FILIP1: variants seen among roughly 807,000 people sequenced by gnomAD.
FILIP1 encodes the protein filamin-A-interacting protein 1.
In FILIP1, 61 loss-of-function variants were observed where a neutral mutation model predicts 102.1. The ratio of observed to expected loss-of-function variants is 0.60; its 90% CI spans 0.49 to 0.74. FILIP1 has a LOEUF of 0.74. Among genes scored for constraint, FILIP1 ranks in the 30% least tolerant of loss-of-function variants. The pLI is 0.00. For missense variants in FILIP1, 1,314 were observed against 1,441.2 expected, an observed-to-expected ratio of 0.91 and a Z score of 1.43; for synonymous variants, 491 against 526.9, an observed-to-expected ratio of 0.93 and a Z score of 0.93.
intron 2 of FILIP1, among the ~76,000 whole-genome samples, chr6:75,412,166 C>A (rs550637652): frequency 1.5e-4 from 23 of 152,224 alleles, no homozygotes; most frequent in African/African-American, 4.8e-4. Flanking sequence ...ATATTTTACT[C>A]TCTTTGTAGC....
At chr6:75,426,132 C>T (rs1032348327) in intron 1 of FILIP1, among the ~76,000 whole-genome samples, 5 of 151,942 alleles carry the variant, frequency 3.3e-5, no homozygotes, top group African/African-American at 7.2e-5. Flanking sequence ...CAACCCTGAT[C>T]GAGACTATGT....
chr6:75,372,675 A>G (rs538851782), intron 2 of FILIP1, among the ~76,000 whole-genome samples: 2 of 60,476 alleles, frequency 3.3e-5, no homozygotes, highest in African/African-American at 1.9e-4. Flanking sequence ...GAAAGAAAGA[A>G]AGAAAGAAAG....
Position 75,348,086 on chromosome 6 carries a change from CAT to C in FILIP1, c.629+5451_629+5452del, listed in dbSNP as rs1491072700. Among the ~76,000 whole-genome samples, 43 of 151,406 alleles carry C rather than the reference CAT, an allele frequency of 2.8e-4. 1 individual carries two copies. The highest frequency in any genetic ancestry group is 3.4e-4 in the African/African-American group (14 of 41,114). ...ATACACACACACACACACACACACA[CAT>C]ACACACACTTTTCCCTCAAATATTT... is the stretch of plus-strand genomic sequence containing the variant. On this transcript the variant is annotated intron_variant, in intron 4 of 5. Coordinates refer to ENST00000237172, the MANE Select transcript of FILIP1 (RefSeq NM_015687.5).
intron 5 of FILIP1, among the ~76,000 whole-genome samples, chr6:75,312,143 A>G (rs1773210451): frequency 6.6e-6 from 1 of 152,230 alleles, no homozygotes; most frequent in South Asian, 2.1e-4. Flanking sequence ...CTATCTTTGC[A>G]AGTATTTTAT....
intron 2 of FILIP1, among the ~76,000 whole-genome samples, chr6:75,364,218 G>A (rs1775258132): frequency 1.3e-5 from 2 of 152,218 alleles, no homozygotes; most frequent in South Asian, 2.1e-4. Context: ...GGTTTAGAAT[G>A]TTGGTGAGAA....
chr6:75,333,390 T>C (rs1774142011), intron 4 of FILIP1, among the ~76,000 whole-genome samples: 1 of 152,144 alleles, frequency 6.6e-6, no homozygotes, highest in Non-Finnish European at 1.5e-5. Flanking sequence ...TTTGTATTGA[T>C]CTTGACTATT....
chr6:75,419,176 TCC>T (rs1222931858), intron 1 of FILIP1, among the ~76,000 whole-genome samples: 1 of 152,198 alleles, frequency 6.6e-6, no homozygotes, highest in Admixed American at 6.6e-5. Flanking sequence ...AAATTCTAGT[TCC>T]CAGACTTCCT....
chr6:75,389,551 C>T (rs1776213388), intron 2 of FILIP1, among the ~76,000 whole-genome samples: 1 of 152,082 alleles, frequency 6.6e-6, no homozygotes, highest in Admixed American at 6.6e-5. Flanking sequence ...AATTTCAGAA[C>T]TTGCTATTGG....
At chr6:75,400,103 G>T (rs142268201) in intron 2 of FILIP1, among the ~76,000 whole-genome samples, 1 of 152,104 alleles carries the variant, frequency 6.6e-6, no homozygotes, top group Non-Finnish European at 1.5e-5. Flanking sequence ...TGATGCAGGC[G>T]TTAGGCACTG....
chr6:75,418,827 A>T (rs1243542413), intron 1 of FILIP1, among the ~76,000 whole-genome samples: 1 of 152,220 alleles, frequency 6.6e-6, no homozygotes, highest in African/African-American at 2.4e-5. Context: ...TGATAAGCAA[A>T]TTATCTTAAC....
At chr6:75,483,931 T>C (rs570162130) in intron 1 of FILIP1, among the ~76,000 whole-genome samples, 360 of 152,228 alleles carry the variant, frequency 2.4e-3, no homozygotes, top group Non-Finnish European at 4.3e-3. Context: ...GTAAAATATA[T>C]AGTATATGTG....
At position 75,314,647 on chromosome 6, in the gene FILIP1, C is replaced by T. The variant is rs1242708524; in HGVS notation, c.1185G>A (p.Glu395=). The T allele has an allele frequency of 1.2e-6, 2 of 1,613,492 alleles. No homozygotes were observed. The highest frequency in any genetic ancestry group is 1.3e-5 in the African/African-American group (1 of 74,870). ...KRVLEMEGKD[E]EITKTESQCR... ...ACTGGGATTCAGTTTTAGTGATCTC[C>T]TCATCTTTACCTTCCATTTCAAGCA... Residue 395 remains glutamate, a synonymous_variant, in exon 5 of 6, where the codon GAG becomes GAA. Transcript: ENST00000237172.
chr6:75,297,718 T>TA (rs200881100), intron 6 of FILIP1, among the ~76,000 whole-genome samples: 38 of 151,794 alleles, frequency 2.5e-4, no homozygotes, highest in Non-Finnish European at 3.5e-4. Flanking sequence ...CTCACTAATT[T>TA]AAAAAAAAAT....
chr6:75,353,980 G>T (rs989822106), intron 3 of FILIP1, among the ~76,000 whole-genome samples: 37 of 151,964 alleles, frequency 2.4e-4, no homozygotes, highest in African/African-American at 8.5e-4. Flanking sequence ...CCTTTTTTGG[G>T]GGGGTGGGAT....
At chr6:75,356,562 C>T (rs1775008486) in intron 3 of FILIP1, among the ~76,000 whole-genome samples, 1 of 151,746 alleles carries the variant, frequency 6.6e-6, no homozygotes. Context: ...TCCGCCTCCT[C>T]GGTTCAAGCA....
At chr6:75,355,693 G>A (rs1177645383) in intron 3 of FILIP1, among the ~76,000 whole-genome samples, 2 of 152,102 alleles carry the variant, frequency 1.3e-5, no homozygotes, top group African/African-American at 4.8e-5. Context: ...ATGAGCCACC[G>A]CACCTGTCCT....
At position 75,319,327 on chromosome 6, in the gene FILIP1, T is replaced by C. The variant is rs533568921; in HGVS notation, c.630-4125A>G. On this transcript the variant is annotated intron_variant, in intron 4 of 5. Coordinates refer to ENST00000237172, the MANE Select transcript of FILIP1 (RefSeq NM_015687.5). ...GGCAGGCCAGGATGTTCTTCTTTGATTTTTGGGCGATACTCAGAGCAGAAC... is the reference window on the plus strand; with the variant it reads ...GGCAGGCCAGGATGTTCTTCTTTGACTTTTGGGCGATACTCAGAGCAGAAC... 9.7e-5 allele frequency: 63 copies of C among 648,294 alleles called. 1 individual carries two copies. The highest frequency in any genetic ancestry group is 8.2e-4 in the South Asian group (58 of 70,860). 40.2% of individuals were successfully genotyped at this position (648,294 alleles called of 1,614,324 possible).
intron 1 of FILIP1, among the ~76,000 whole-genome samples, chr6:75,435,147 C>A (rs377101933): frequency 6.6e-6 from 1 of 152,172 alleles, no homozygotes; most frequent in African/African-American, 2.4e-5. Context: ...CTAAAATTCT[C>A]TTCTTTTGTT....
intron 4 of FILIP1, among the ~76,000 whole-genome samples, chr6:75,337,243 A>G (rs1433567837): frequency 1.3e-5 from 2 of 152,188 alleles, no homozygotes; most frequent in African/African-American, 4.8e-5. Context: ...ATGAGTGGGA[A>G]TCTTCTAAAA....
Sources: allele counts gnomAD v4.1 joint callset (sites outside exome capture counted in the v4.1 genomes callset), GRCh38; gene constraint gnomAD v4.1.1; transcripts MANE v1.5; gene names NCBI Gene and HGNC (gene_info 2026-07-23, HGNC 2026-07-21).